RNF38: variants seen among roughly 807,000 people sequenced by gnomAD.
RNF38 encodes E3 ubiquitin-protein ligase RNF38.
Under a neutral mutation model 67.2 loss-of-function variants are expected in RNF38, and 15 were observed. That is an observed-to-expected ratio of 0.22 (90% CI 0.15 to 0.34). The LOEUF (loss-of-function observed/expected upper bound fraction) is 0.34. Among genes scored for constraint, RNF38 ranks in the 10% least tolerant of loss-of-function variants. RNF38 has a pLI of 1.00. For missense variants in RNF38, 524 were observed against 639.9 expected (o/e 0.82, Z 1.95); for synonymous variants, 220 against 218.8 (o/e 1.01, Z -0.05).
intron 1 of RNF38, among the ~76,000 whole-genome samples, chr9:36,439,746 A>G (rs1415875861): frequency 1.3e-5 from 2 of 148,968 alleles, no homozygotes; most frequent in South Asian, 2.1e-4. Flanking sequence ...AGCCGAGATT[A>G]TATCACTGTA....
intron 4 of RNF38, among the ~76,000 whole-genome samples, chr9:36,361,021 T>C (rs537602365): frequency 1.4e-4 from 22 of 152,210 alleles, no homozygotes; most frequent in African/African-American, 5.1e-4. Flanking sequence ...TTCACTGTGT[T>C]GTCCAGGCTG....
intron 1 of RNF38, among the ~76,000 whole-genome samples, chr9:36,395,975 A>T (rs1258836999): frequency 1.3e-5 from 2 of 152,218 alleles, no homozygotes; most frequent in Non-Finnish European, 1.5e-5. Flanking sequence ...ATTCAAGAAA[A>T]AAGTTATCTT....
rs114346830 is a variant in RNF38, at chr9:36,397,874, G to T, written c.12+2223C>A. On this transcript the variant is annotated intron_variant, in intron 1 of 11. Transcript: ENST00000259605. ...TGTCTAAAATCGTTTTACTTAGGTTGGTTACCACAAAGAATTACACAGATG... is the reference window on the plus strand; with the variant it reads ...TGTCTAAAATCGTTTTACTTAGGTTTGTTACCACAAAGAATTACACAGATG... Among the ~76,000 whole-genome samples, 827 of 152,170 alleles carry T rather than the reference G, an allele frequency of 5.4e-3. 9 individuals are homozygous for T. The highest frequency in any genetic ancestry group is 0.019 in the African/African-American group (785 of 41,508).
In RNF38 at chr9:36,421,974, G is replaced by A. The variant is rs188246073; in HGVS notation, n.312+2639C>T. ...TGGCCAGGCATGGTGGCTCACACCTGTAATCCAAACACTTTGGGAGGCTGA... is the reference window on the plus strand; with the variant it reads ...TGGCCAGGCATGGTGGCTCACACCTATAATCCAAACACTTTGGGAGGCTGA... On this transcript the variant is annotated intron_variant and non_coding_transcript_variant, in intron 2 of 3. Coordinates refer to the RNF38 transcript ENST00000488058. 1.4e-4 allele frequency among the ~76,000 whole-genome samples: 21 copies of A among 152,304 alleles called. No individual in the cohort carries two copies. In the East Asian group the frequency reaches 3.5e-3, roughly 25 times the overall value.
At chr9:36,370,852 T>C (rs1208190202) in intron 3 of RNF38, among the ~76,000 whole-genome samples, 2 of 151,612 alleles carry the variant, frequency 1.3e-5, no homozygotes, top group African/African-American at 4.9e-5. Flanking sequence ...GAGGCTGTAG[T>C]GAGCTGAGAT....
intron 9 of RNF38, 120 bp downstream of exon 9, chr9:36,350,995 C>A (rs1587478377): frequency 1.4e-6 from 1 of 699,088 alleles, no homozygotes; most frequent in Non-Finnish European, 2.5e-6. Flanking sequence ...CACAGTAATT[C>A]TTCTTCCAAT....
chr9:36,477,294 G>C (rs1420969518), intron 1 of RNF38, among the ~76,000 whole-genome samples: 1 of 150,800 alleles, frequency 6.6e-6, no homozygotes, highest in Non-Finnish European at 1.5e-5. Flanking sequence ...CTGCACTCCA[G>C]CCTGGGTGAC....
Position 36,353,221 on chromosome 9 carries a change from G to A in RNF38, c.1020C>T (p.Pro340=), listed in dbSNP as rs139446147. 207 of 1,614,020 alleles carry A rather than the reference G, an allele frequency of 1.3e-4. 1 individual carries two copies. In the African/African-American group the frequency reaches 2.4e-3, roughly 18 times the overall value. Residue 340 remains proline, a synonymous_variant, in exon 7 of 12, where the codon CCC becomes CCT. Transcript: ENST00000259605. The part of the protein sequence containing the change: ...AHPPTLPPSA[P]LQFLTHDPLH... Reference sequence around the variant, plus strand: ...AAGGATCATGTGTTAAGAACTGCAAGGGAGCTGATGGAGGTAATGTTGGGG... The same window carrying A: ...AAGGATCATGTGTTAAGAACTGCAAAGGAGCTGATGGAGGTAATGTTGGGG...
At chr9:36,340,465 AC>A (rs1299354558) in intron 11 of RNF38, among the ~76,000 whole-genome samples, 1 of 152,070 alleles carries the variant, frequency 6.6e-6, no homozygotes, top group Non-Finnish European at 1.5e-5. Context: ...CTCACTACAG[AC>A]TTGAACTCCT....
intron 1 of RNF38, among the ~76,000 whole-genome samples, chr9:36,440,116 C>G (rs573708838): frequency 6.6e-6 from 1 of 152,064 alleles, no homozygotes; most frequent in African/African-American, 2.4e-5. Context: ...TGTGGTGGCT[C>G]GTGCCCATAA....
At chr9:36,347,870 A>T (rs1187134190) in intron 9 of RNF38, among the ~76,000 whole-genome samples, 1 of 151,934 alleles carries the variant, frequency 6.6e-6, no homozygotes, top group Admixed American at 6.6e-5. Context: ...AGATCAGGAG[A>T]TCGAGACCAT....
chr9:36,476,947 C>T (rs1380518426), intron 1 of RNF38, among the ~76,000 whole-genome samples: 3 of 152,098 alleles, frequency 2.0e-5, no homozygotes, highest in Non-Finnish European at 4.4e-5. Flanking sequence ...ACCTGTACAC[C>T]ATAGACGTAA....
At chr9:36,357,701 G>T in intron 5 of RNF38, 74 bp downstream of exon 5, 2 of 1,200,992 alleles carry the variant, frequency 1.7e-6, no homozygotes, top group Non-Finnish European at 1.2e-6. Context: ...GGTAAGAGTC[G>T]GGAAGTTACA....
At chr9:36,468,703 T>G (rs1839924109) in intron 1 of RNF38, among the ~76,000 whole-genome samples, 2 of 152,012 alleles carry the variant, frequency 1.3e-5, no homozygotes, top group African/African-American at 4.8e-5. Flanking sequence ...TCCCAGCTAC[T>G]CGGGAGGCCG....
intron 2 of RNF38, among the ~76,000 whole-genome samples, chr9:36,414,040 G>C (rs1475325782): frequency 6.6e-6 from 1 of 152,148 alleles, no homozygotes; most frequent in Non-Finnish European, 1.5e-5. Flanking sequence ...CTGATATAAG[G>C]ATAGCGACTC....
chr9:36,485,617 T>TA (rs1307501882), intron 1 of RNF38, among the ~76,000 whole-genome samples: 7 of 152,196 alleles, frequency 4.6e-5, no homozygotes, highest in African/African-American at 7.2e-5. Flanking sequence ...ATGTGTGTCT[T>TA]AGAGTTTTTT....
intron 1 of RNF38, among the ~76,000 whole-genome samples, chr9:36,429,569 A>G (rs979378614): frequency 8.5e-5 from 13 of 152,120 alleles, no homozygotes; most frequent in African/African-American, 2.9e-4. Context: ...TCATGAAGTC[A>G]GGAGTTTGAG....
chr9:36,400,342 A>T (rs1267598816), upstream of RNF38: 1 of 1,239,626 alleles, frequency 8.1e-7, no homozygotes, highest in Non-Finnish European at 1.0e-6. Context: ...CTCGGCAAAA[A>T]GGGAGGGAGC....
At chr9:36,373,905 G>A (rs1835584124) in intron 3 of RNF38, among the ~76,000 whole-genome samples, 1 of 152,038 alleles carries the variant, frequency 6.6e-6, no homozygotes, top group African/African-American at 2.4e-5. Context: ...TGGTCAGGCT[G>A]GTCTCGAACT....
Sources: gnomAD v4.1 joint callset for allele counts (sites outside exome capture counted in the v4.1 genomes callset) on GRCh38, gnomAD v4.1.1 for gene constraint, MANE v1.5 for transcripts, NCBI Gene and HGNC (gene_info 2026-07-23, HGNC 2026-07-21) for gene names.